Variants in SAXO4 observed in about 807,000 individuals in gnomAD.
SAXO4 encodes protein phosphatase 1 regulatory subunit 32.
At chr11:61,482,958 C>T in the SAXO4 span, 3 of 829,606 alleles carry the variant, frequency 3.6e-6, no homozygotes, top group Non-Finnish European at 5.4e-6. Context: ...CCCCTTTGTC[C>T]TCATCCTTGT....
At chr11:61,482,413 A>T in the SAXO4 span, 4 of 1,614,016 alleles carry the variant, frequency 2.5e-6, no homozygotes, top group Non-Finnish European at 3.4e-6. Context: ...GAGGCCTTAG[A>T]CAACCCGGCC....
the SAXO4 span, chr11:61,482,839 A>G: frequency 3.8e-6 from 6 of 1,567,686 alleles, no homozygotes; most frequent in East Asian, 2.3e-5. Flanking sequence ...AGGAGAGGGA[A>G]GCCTCAGGGT....
At chr11:61,490,682 G>A in the SAXO4 span, 1 of 1,122,694 alleles carries the variant, frequency 8.9e-7, no homozygotes, top group Non-Finnish European at 1.3e-6. Context: ...AGCAAGTCCT[G>A]CCTGGGGACC....
At chr11:61,486,758 G>C in the SAXO4 span, 1 of 917,786 alleles carries the variant, frequency 1.1e-6, no homozygotes, top group South Asian at 1.5e-5. Flanking sequence ...GGTGAAGAGA[G>C]CCTGGGCCTT....
chr11:61,481,724 C>A, the SAXO4 span: 1 of 694,994 alleles, frequency 1.4e-6, no homozygotes, highest in South Asian at 2.4e-5. Flanking sequence ...GATCTTCGCC[C>A]CTGTGGGCTT....
chr11:61,482,190 G>A, the SAXO4 span: 11 of 849,088 alleles, frequency 1.3e-5, no homozygotes, highest in Admixed American at 6.4e-5. Flanking sequence ...GCTCCTGCCC[G>A]TGGCTCTGAG....
the SAXO4 span, chr11:61,487,268 G>A: frequency 6.3e-7 from 1 of 1,583,516 alleles, no homozygotes; most frequent in Middle Eastern, 1.7e-4. Flanking sequence ...GTCCAAAGCT[G>A]AAACCCATTT....
chr11:61,483,905 G>A, the SAXO4 span, among the ~76,000 whole-genome samples: 1 of 151,750 alleles, frequency 6.6e-6, no homozygotes, highest in South Asian at 2.1e-4. Context: ...TTGCAGTGAG[G>A]CTGAGATTGC....
the SAXO4 span, chr11:61,487,311 G>T: frequency 7.0e-3 from 8,986 of 1,289,270 alleles, 45 homozygotes; most frequent in Non-Finnish European, 8.5e-3. Flanking sequence ...TAAGTAATGA[G>T]CTCACAGCCT....
the SAXO4 span, chr11:61,485,551 C>A: frequency 7.7e-6 from 6 of 776,300 alleles, no homozygotes; most frequent in Non-Finnish European, 1.0e-5. Context: ...AGCGCCTCTC[C>A]CGGGCTGACC....
At chr11:61,489,668 GC>G in the SAXO4 span, 1 of 1,104,396 alleles carries the variant, frequency 9.1e-7, no homozygotes, top group Non-Finnish European at 1.4e-6. Flanking sequence ...GACGAGGACA[GC>G]ATGAGCAAAG....
chr11:61,490,606 C>T, the SAXO4 span: 2 of 1,589,366 alleles, frequency 1.3e-6, no homozygotes, highest in African/African-American at 1.3e-5. Context: ...GGGATCCCCA[C>T]ACTCAGCTGC....
chr11:61,490,704 T>G, the SAXO4 span: 2 of 859,042 alleles, frequency 2.3e-6, no homozygotes, highest in Admixed American at 1.9e-5. Context: ...CCCTTCCAAG[T>G]GGGGGGTGAC....
chr11:61,486,444 G>C, the SAXO4 span: 3 of 1,613,692 alleles, frequency 1.9e-6, no homozygotes, highest in South Asian at 3.3e-5. Context: ...GCCTGGCGGG[G>C]AGCAGTTAGA....
At chr11:61,485,947 G>T in the SAXO4 span, 49 of 1,420,590 alleles carry the variant, frequency 3.4e-5, no homozygotes, top group East Asian at 3.9e-4. Flanking sequence ...ACTTTAGGGG[G>T]CTTGAAGCCC....
the SAXO4 span, chr11:61,485,249 A>C: frequency 8.5e-7 from 1 of 1,174,088 alleles, no homozygotes; most frequent in Non-Finnish European, 1.3e-6. Flanking sequence ...CTCAGAGCAC[A>C]GAGAACCGAG....
At chr11:61,487,649 A>T in the SAXO4 span, among the ~76,000 whole-genome samples, 1 of 152,216 alleles carries the variant, frequency 6.6e-6, no homozygotes, top group South Asian at 2.1e-4. Context: ...TTGCTCAGGC[A>T]AAGCAGCTTC....
chr11:61,482,250 G>A, the SAXO4 span: 1 of 1,503,576 alleles, frequency 6.7e-7, no homozygotes, highest in Non-Finnish European at 9.2e-7. Context: ...CGCTGGCCCT[G>A]CCTGGGAAGC....
chr11:61,490,766 C>A, the SAXO4 span: 1 of 611,962 alleles, frequency 1.6e-6, no homozygotes, highest in Non-Finnish European at 2.9e-6. Flanking sequence ...CACACAGAAC[C>A]ACCCCAGAGC....
Sources: gnomAD v4.1 joint callset for allele counts (sites outside exome capture counted in the v4.1 genomes callset) on GRCh38, gnomAD v4.1.1 for gene constraint, MANE v1.5 for transcripts, NCBI Gene and HGNC (gene_info 2026-07-23, HGNC 2026-07-21) for gene names.